The following HECW2 variants were observed in gnomAD, a reference collection of about 807,000 sequenced individuals.
The protein encoded by HECW2 is E3 ubiquitin-protein ligase HECW2.
HECW2 carries 61 observed loss-of-function variants against 175.2 expected under a neutral mutation model. The ratio of observed to expected loss-of-function variants is 0.35; its 90% confidence interval spans 0.28 to 0.43. The LOEUF (loss-of-function observed/expected upper bound fraction) is 0.43. HECW2 is among the 20% of genes least tolerant of loss of function. HECW2 has a pLI of 1.00. For missense variants in HECW2, 1,524 were observed against 2,000.5 expected (o/e 0.76, Z 4.54); for synonymous variants, 671 against 731.0 (o/e 0.92, Z 1.32).
chr2:196,441,670 TTTCAGTCA>T (rs1696049551), intron 1 of HECW2, among the ~76,000 whole-genome samples: 2 of 152,152 alleles, frequency 1.3e-5, no homozygotes, highest in African/African-American at 4.8e-5. Context: ...GAGAGAGCAT[TTTCAGTCA>T]TTCAGTATAA....
chr2:196,514,939 C>T (rs1688096603), intron 1 of HECW2, among the ~76,000 whole-genome samples: 1 of 152,156 alleles, frequency 6.6e-6, no homozygotes, highest in African/African-American at 2.4e-5. Flanking sequence ...CTGAAACATA[C>T]ACCCCTGCTT....
At chr2:196,244,869 G>A (rs1688590935) in intron 19 of HECW2, among the ~76,000 whole-genome samples, 1 of 152,200 alleles carries the variant, frequency 6.6e-6, no homozygotes, top group South Asian at 2.1e-4. Flanking sequence ...ATTATGACAA[G>A]AATTTTTAAA....
intron 19 of HECW2, 41 bp downstream of exon 19, chr2:196,253,879 C>A: frequency 1.3e-6 from 2 of 1,582,722 alleles, no homozygotes; most frequent in South Asian, 1.1e-5. Context: ...CTTGAAGGTT[C>A]ACTCCTCAGA....
At chr2:196,226,824 A>AT (rs1472510600) in intron 22 of HECW2, among the ~76,000 whole-genome samples, 1 of 152,144 alleles carries the variant, frequency 6.6e-6, no homozygotes, top group East Asian at 1.9e-4. Context: ...GCACATGGAC[A>AT]TTTGGGGGAG....
intron 1 of HECW2, among the ~76,000 whole-genome samples, chr2:196,439,270 T>C (rs16851565): frequency 0.03 from 4,525 of 152,286 alleles, 223 homozygotes; most frequent in African/African-American, 0.1. Context: ...TATTTATGCC[T>C]AAGAGCCTGG....
At chr2:196,579,084 TTGGAG>T (rs537043017) in intron 1 of HECW2, among the ~76,000 whole-genome samples, 127 of 152,294 alleles carry the variant, frequency 8.3e-4, no homozygotes, top group African/African-American at 2.9e-3. Context: ...AAGTGAAGTA[TTGGAG>T]TGAAGTTTTA....
At chr2:196,542,908 A>C (rs1470190765) in intron 1 of HECW2, among the ~76,000 whole-genome samples, 1 of 148,336 alleles carries the variant, frequency 6.7e-6, no homozygotes, top group Non-Finnish European at 1.5e-5. Context: ...AATATATGTA[A>C]TATAGATCTA....
At chr2:196,240,738 T>A (rs1688418441) in intron 20 of HECW2, among the ~76,000 whole-genome samples, 176 bp from the exon 21 acceptor site, 1 of 138,496 alleles carries the variant, frequency 7.2e-6, no homozygotes, top group Non-Finnish European at 1.6e-5. Flanking sequence ...TTAATAGCAT[T>A]AGCAAAAGTT....
chr2:196,275,523 G>T (rs1689913920), intron 15 of HECW2, among the ~76,000 whole-genome samples: 1 of 152,228 alleles, frequency 6.6e-6, no homozygotes. Flanking sequence ...GGTGGCCAAG[G>T]CGGGCGGATT....
chr2:196,574,200 C>T (rs543051732), intron 1 of HECW2, among the ~76,000 whole-genome samples: 66 of 152,222 alleles, frequency 4.3e-4, no homozygotes, highest in African/African-American at 1.5e-3. Flanking sequence ...GAGGCTGAGG[C>T]GGGCAGATCA....
intron 4 of HECW2, among the ~76,000 whole-genome samples, chr2:196,330,916 A>G (rs921746297): frequency 6.6e-6 from 1 of 151,560 alleles, no homozygotes; most frequent in Non-Finnish European, 1.5e-5. Flanking sequence ...CTACTTAACT[A>G]CTGCCCAGGT....
chr2:196,542,130 G>A (rs13019154), intron 1 of HECW2, among the ~76,000 whole-genome samples: 3,252 of 152,070 alleles, frequency 0.021, 65 homozygotes, highest in Middle Eastern at 0.044. Context: ...CAGACGTGGT[G>A]GCGCACACCT....
At chr2:196,420,752 T>G (rs1423274050) in intron 2 of HECW2, among the ~76,000 whole-genome samples, 1 of 152,182 alleles carries the variant, frequency 6.6e-6, no homozygotes, top group African/African-American at 2.4e-5. Flanking sequence ...GTTCTTTTTT[T>G]TTCATCTTCA....
intron 1 of HECW2, among the ~76,000 whole-genome samples, chr2:196,444,678 G>A (rs995716192): frequency 6.6e-6 from 1 of 152,214 alleles, no homozygotes; most frequent in African/African-American, 2.4e-5. Flanking sequence ...TGATGGAAGT[G>A]AACAAAGGAG....
At chr2:196,415,501 G>T (rs1695230449) in intron 2 of HECW2, among the ~76,000 whole-genome samples, 1 of 151,566 alleles carries the variant, frequency 6.6e-6, no homozygotes, top group Non-Finnish European at 1.5e-5. Flanking sequence ...GCTCTCTGAG[G>T]GTGGGAAAGC....
intron 1 of HECW2, among the ~76,000 whole-genome samples, chr2:196,544,610 G>A (rs948369832): frequency 2.6e-5 from 4 of 152,146 alleles, no homozygotes; most frequent in South Asian, 4.1e-4. Context: ...TGCATAGCAC[G>A]ATGTAGGAAT....
rs1002422892 is a variant in HECW2, at chr2:196,225,955, G to A, written c.3918-85C>T. 1.5e-4 allele frequency: 122 copies of A among 797,540 alleles called. 1 individual carries two copies. The highest frequency in any genetic ancestry group is 6.9e-4 in the Middle Eastern group (3 of 4,372). 49.4% of individuals were successfully genotyped at this position (797,540 alleles called of 1,614,324 possible). On this transcript the variant is annotated intron_variant, in intron 22 of 28. Transcript: ENST00000644978. The stretch of plus-strand genomic sequence containing the variant: ...TATGCTTTCTAGAATGCCTTCCAGC[G>A]CTAACCATCTAAATTTTTCCAATAT...
In HECW2 at chr2:196,271,376, C is replaced by T. The variant is rs115986852; in HGVS notation, c.3239-87G>A. On this transcript the variant is annotated intron_variant, in intron 16 of 28. Coordinates refer to ENST00000644978, the MANE Select transcript of HECW2 (RefSeq NM_001348768.2). ...ATAAATCCAAACCTGTGTGCCCCAC[C>T]GGGTTCAAGCAATTTTCCTGCCTCA... 6.3e-5 allele frequency: 56 copies of T among 893,242 alleles called. 1 individual carries two copies. Among genetic ancestry groups the T allele is most frequent in the Non-Finnish European group, 8.8e-5 (50 of 569,368 alleles). 55.3% of individuals were successfully genotyped at this position (893,242 alleles called of 1,614,324 possible).
At chr2:196,311,295 C>T (rs576939402) in intron 10 of HECW2, among the ~76,000 whole-genome samples, 208 of 152,280 alleles carry the variant, frequency 1.4e-3, no homozygotes, top group African/African-American at 4.5e-3. Context: ...TATGATGCAC[C>T]CCAGGTCTTC....
Sources: gnomAD v4.1 joint callset for allele counts (sites outside exome capture counted in the v4.1 genomes callset) on GRCh38, gnomAD v4.1.1 for gene constraint, MANE v1.5 for transcripts, NCBI Gene and HGNC (gene_info 2026-07-23, HGNC 2026-07-21) for gene names.